PCDH15: variants seen among roughly 807,000 people sequenced by gnomAD.
PCDH15 encodes protocadherin-15.
A neutral mutation model predicts 178.5 loss-of-function variants in PCDH15; 129 were observed. That is an observed-to-expected ratio of 0.72 (90% CI 0.63 to 0.84). The LOEUF (loss-of-function observed/expected upper bound fraction) is 0.84. PCDH15 is among the 40% of genes least tolerant of loss of function. PCDH15 has a pLI of 0.00. For missense variants in PCDH15, 2,230 were observed against 2,099.9 expected (o/e 1.06, Z -1.21); for synonymous variants, 800 against 732.0 (o/e 1.09, Z -1.50).
intron 2 of PCDH15, among the ~76,000 whole-genome samples, chr10:55,141,591 T>C (rs940465940): frequency 6.6e-6 from 1 of 152,100 alleles, no homozygotes; most frequent in African/African-American, 2.4e-5. Flanking sequence ...GATATCATTA[T>C]CATTCATCTG....
chr10:54,938,418 C>T (rs1252133849), intron 2 of PCDH15, among the ~76,000 whole-genome samples: 2 of 152,044 alleles, frequency 1.3e-5, no homozygotes, highest in Non-Finnish European at 2.9e-5. Context: ...TTCGGTTTAG[C>T]TTTCACATGC....
In PCDH15 at chr10:53,828,489, G is replaced by A; in HGVS notation, c.4211+76C>T. 3 of 1,252,394 alleles carry A rather than the reference G, an allele frequency of 2.4e-6. No homozygotes were observed. The South Asian group carries it at 3.6e-5, about 15-fold the overall frequency. The allele number at this position is 1,252,394 out of a possible 1,614,324, so 77.6% of individuals were successfully genotyped here. A position where few individuals can be genotyped will look rare whatever the true frequency, so the allele number is the denominator to read the frequency against. Reference sequence around the variant, plus strand: ...AATAAGATGTGGTTCTGAGCAGGCTGACTTGATTGATATAATCTCGGGTTT... The same window carrying A: ...AATAAGATGTGGTTCTGAGCAGGCTAACTTGATTGATATAATCTCGGGTTT... On this transcript the variant is annotated intron_variant, in intron 31 of 37. Coordinates refer to ENST00000644397, the MANE Select transcript of PCDH15 (RefSeq NM_001384140.1).
At chr10:55,349,903 A>G (rs1166496787) in intron 2 of PCDH15, among the ~76,000 whole-genome samples, 2 of 151,914 alleles carry the variant, frequency 1.3e-5, no homozygotes, top group East Asian at 3.9e-4. Flanking sequence ...GGAGATTCCA[A>G]TAACTATATT....
chr10:53,981,332 G>A (rs992756204), intron 21 of PCDH15, among the ~76,000 whole-genome samples: 4 of 152,124 alleles, frequency 2.6e-5, no homozygotes, highest in African/African-American at 9.7e-5. Context: ...TACTACAGAA[G>A]GTAATTGCAT....
At chr10:54,697,032 C>A (rs1332614262) in intron 1 of PCDH15, among the ~76,000 whole-genome samples, 1 of 152,026 alleles carries the variant, frequency 6.6e-6, no homozygotes, top group Non-Finnish European at 1.5e-5. Flanking sequence ...TCCTTGGCCT[C>A]CTGTGTAGCT....
chr10:53,837,016 AAC>A (rs1460796217), intron 29 of PCDH15, among the ~76,000 whole-genome samples: 1 of 152,122 alleles, frequency 6.6e-6, no homozygotes, highest in Non-Finnish European at 1.5e-5. Context: ...TCAATAGGCT[AAC>A]ACAGATGAAT....
intron 5 of PCDH15, among the ~76,000 whole-genome samples, chr10:54,355,789 T>C (rs1944887472): frequency 6.6e-6 from 1 of 152,064 alleles, no homozygotes; most frequent in Non-Finnish European, 1.5e-5. Context: ...AATTATTTAA[T>C]AAATTTCCAA....
intron 1 of PCDH15, among the ~76,000 whole-genome samples, chr10:55,224,000 G>C (rs1049565714): frequency 6.6e-6 from 1 of 151,778 alleles, no homozygotes; most frequent in Non-Finnish European, 1.5e-5. Flanking sequence ...GCCTGTAATC[G>C]CAGCACTTTG....
chr10:54,307,111 T>C (rs1228138659), intron 8 of PCDH15, among the ~76,000 whole-genome samples: 2 of 33,512 alleles, frequency 6.0e-5, no homozygotes, highest in Non-Finnish European at 1.1e-4. Context: ...TGTGTATATA[T>C]ATATATATAT....
chr10:54,408,582 G>C (rs2135583114), intron 3 of PCDH15, among the ~76,000 whole-genome samples: 1 of 152,216 alleles, frequency 6.6e-6, no homozygotes, highest in Non-Finnish European at 1.5e-5. Flanking sequence ...AGATGCTGTG[G>C]ATCAGCTTAC....
intron 3 of PCDH15, among the ~76,000 whole-genome samples, chr10:54,859,833 C>T (rs1056165621): frequency 3.3e-5 from 5 of 151,766 alleles, no homozygotes; most frequent in African/African-American, 1.2e-4. Flanking sequence ...AATATAAAGT[C>T]GTAGTGCTAC....
chr10:55,153,718 G>T (rs1261618593), intron 2 of PCDH15, among the ~76,000 whole-genome samples: 1 of 152,082 alleles, frequency 6.6e-6, no homozygotes, highest in Non-Finnish European at 1.5e-5. Flanking sequence ...CACAAAACCA[G>T]TTTCATGTAG....
chr10:54,317,133 G>A lies in PCDH15; in HGVS notation c.876+138C>T, dbSNP rs857382. 4.4e-4 allele frequency: 381 copies of A among 873,352 alleles called. No individual in the cohort carries two copies. The African/African-American group carries it at 6.0e-3, about 14-fold the overall frequency. 54.1% of individuals were successfully genotyped at this position (873,352 alleles called of 1,614,324 possible). A position where few individuals can be genotyped will look rare whatever the true frequency, so the allele number is the denominator to read the frequency against. ...AATGTATTCATACTCCCTGAAAATA[G>A]TTTCGGACATAAATATTTTTCAATG... On this transcript the variant is annotated intron_variant, in intron 8 of 37. Coordinates refer to ENST00000644397, the MANE Select transcript of PCDH15 (RefSeq NM_001384140.1).
intron 1 of PCDH15, among the ~76,000 whole-genome samples, chr10:54,799,477 T>A (rs1952412482): frequency 6.6e-6 from 1 of 152,164 alleles, no homozygotes; most frequent in Admixed American, 6.6e-5. Flanking sequence ...TTTATTTAAA[T>A]CTTTTTGTGA....
chr10:54,345,648 G>A (rs373656297), intron 6 of PCDH15, among the ~76,000 whole-genome samples: 56 of 151,236 alleles, frequency 3.7e-4, no homozygotes, highest in African/African-American at 1.3e-3. Flanking sequence ...TTGGGAGGCC[G>A]AGGCAGGCGG....
In PCDH15 at chr10:55,328,913, CATATATATATATATATATATATATAT is replaced by C. The variant is rs56104592; in HGVS notation, c.-155-162288_-155-162263del. Among the ~76,000 whole-genome samples, 4 of 111,332 alleles carry C rather than the reference CATATATATATATATATATATATATAT, an allele frequency of 3.6e-5. No homozygotes were observed. The East Asian group carries it at 1.3e-3, about 35-fold the overall frequency. 73.0% of individuals were successfully genotyped at this position (111,332 alleles called of 152,430 possible). On this transcript the variant is annotated intron_variant, in intron 2 of 5. Transcript: ENST00000613346. ...AGATGACTGTATATTTTCACACAAACATATATATATATATATATATATATATATATATATATAAAATATATAATATG... is the reference window on the plus strand; with the variant it reads ...AGATGACTGTATATTTTCACACAAACATATATATATAAAATATATAATATG...
intron 21 of PCDH15, 159 bp downstream of exon 21, chr10:53,995,490 T>C (rs1215170441): frequency 7.5e-7 from 1 of 1,334,108 alleles, no homozygotes; most frequent in Non-Finnish European, 1.0e-6. Flanking sequence ...AAATATGCTC[T>C]GTACCTGTGG....
intron 13 of PCDH15, among the ~76,000 whole-genome samples, chr10:54,180,146 G>A (rs774516487): frequency 5.3e-5 from 8 of 152,114 alleles, no homozygotes; most frequent in African/African-American, 1.7e-4. Context: ...CTCCGGTTAC[G>A]GAAGATGATG....
intron 3 of PCDH15, among the ~76,000 whole-genome samples, chr10:54,868,136 T>G (rs1475349344): frequency 6.6e-6 from 1 of 152,164 alleles, no homozygotes; most frequent in African/African-American, 2.4e-5. Flanking sequence ...GAAACGGTTA[T>G]AGCAAATATT....
Sources: allele counts gnomAD v4.1 joint callset (sites outside exome capture counted in the v4.1 genomes callset), GRCh38; gene constraint gnomAD v4.1.1; transcripts MANE v1.5; gene names NCBI Gene and HGNC (gene_info 2026-07-23, HGNC 2026-07-21).